NELL1: variants seen among roughly 807,000 people sequenced by gnomAD.
NELL1 encodes protein kinase C-binding protein NELL1.
In NELL1, 76 loss-of-function variants were observed where a neutral mutation model predicts 107.4. The observed-to-expected ratio is 0.71, with a 90% CI of 0.59 to 0.86. NELL1 has a LOEUF of 0.86. Ranked by LOEUF, NELL1 falls within the 40% of genes least tolerant of loss-of-function variation. The probability of loss-of-function intolerance (pLI) is 0.00; values close to 1 mark genes in which losing one functional copy is unlikely to be tolerated. For missense variants in NELL1, 1,024 were observed against 1,005.5 expected (o/e 1.02, Z -0.25); for synonymous variants, 353 against 341.2 (o/e 1.03, Z -0.38).
chr11:21,006,040 G>A lies in NELL1; in HGVS notation c.1300+45480G>A, dbSNP rs191550896. 2.5e-4 allele frequency among the ~76,000 whole-genome samples: 38 copies of A among 151,870 alleles called. 1 individual carries two copies. Among genetic ancestry groups the A allele is most frequent in the Admixed American group, 4.6e-4 (7 of 15,242 alleles). ...ATAATTGATAATTTCATAGATTTGGGGGGGGGAGTGGGAAATTAAATGAGA... is the reference window on the plus strand; with the variant it reads ...ATAATTGATAATTTCATAGATTTGGAGGGGGGAGTGGGAAATTAAATGAGA... On this transcript the variant is annotated intron_variant, in intron 12 of 19. Coordinates refer to ENST00000357134, the MANE Select transcript of NELL1 (RefSeq NM_006157.5).
At chr11:21,323,776 C>G (rs1233845066) in intron 14 of NELL1, among the ~76,000 whole-genome samples, 1 of 152,104 alleles carries the variant, frequency 6.6e-6, no homozygotes, top group East Asian at 1.9e-4. Flanking sequence ...TGTTTGTTAT[C>G]TGATACCTTC....
intron 13 of NELL1, among the ~76,000 whole-genome samples, chr11:21,148,455 G>T (rs1296569542): frequency 6.6e-6 from 1 of 152,186 alleles, no homozygotes; most frequent in East Asian, 1.9e-4. Context: ...TCAGGTGATA[G>T]ATTCATGGAA....
intron 13 of NELL1, among the ~76,000 whole-genome samples, chr11:21,148,438 T>C (rs569640338): frequency 2.6e-5 from 4 of 152,316 alleles, no homozygotes; most frequent in African/African-American, 7.2e-5. Flanking sequence ...GAAAAGCATG[T>C]GTTCCTTCAG....
intron 4 of NELL1, among the ~76,000 whole-genome samples, chr11:20,852,217 T>C (rs186188844): frequency 6.6e-6 from 1 of 152,298 alleles, no homozygotes; most frequent in East Asian, 1.9e-4. Context: ...TGCAGCCCGA[T>C]TGTCACCTTG....
At chr11:20,863,773 C>A (rs1479772568) in intron 4 of NELL1, among the ~76,000 whole-genome samples, 1 of 152,182 alleles carries the variant, frequency 6.6e-6, no homozygotes, top group South Asian at 2.1e-4. Flanking sequence ...GAGGTGGAGG[C>A]CATAGCTAGC....
intron 14 of NELL1, among the ~76,000 whole-genome samples, chr11:21,368,800 G>C (rs764112766): frequency 2.0e-5 from 3 of 151,968 alleles, no homozygotes; most frequent in African/African-American, 7.2e-5. Context: ...GTCCGTGTCC[G>C]TGTTTCACAG....
At chr11:21,015,178 T>C (rs1446748190) in intron 12 of NELL1, among the ~76,000 whole-genome samples, 1 of 152,098 alleles carries the variant, frequency 6.6e-6, no homozygotes, top group African/African-American at 2.4e-5. Flanking sequence ...CTTGCAGCTT[T>C]AACATCAGGA....
intron 12 of NELL1, among the ~76,000 whole-genome samples, chr11:21,072,702 G>A (rs1258356003): frequency 6.6e-6 from 1 of 152,180 alleles, no homozygotes; most frequent in East Asian, 1.9e-4. Context: ...AATCAGTAAA[G>A]AGGAACTGAA....
intron 4 of NELL1, among the ~76,000 whole-genome samples, chr11:20,851,193 A>T (rs948852061): frequency 2.0e-5 from 3 of 152,200 alleles, no homozygotes; most frequent in African/African-American, 7.2e-5. Flanking sequence ...ATGTGGCAGG[A>T]TTTCGCACAT....
chr11:20,703,205 T>C (rs1157544168), intron 2 of NELL1, among the ~76,000 whole-genome samples: 3 of 151,976 alleles, frequency 2.0e-5, no homozygotes, highest in Admixed American at 6.6e-5. Flanking sequence ...TATTCAGGGA[T>C]TGAACTTCCT....
intron 13 of NELL1, among the ~76,000 whole-genome samples, chr11:21,179,398 T>C (rs1307468303): frequency 1.3e-5 from 2 of 151,810 alleles, no homozygotes; most frequent in Admixed American, 1.3e-4. Flanking sequence ...ACTCAATGGC[T>C]TAAAAAAACT....
intron 14 of NELL1, among the ~76,000 whole-genome samples, chr11:21,319,423 C>G (rs1849956818): frequency 6.6e-6 from 1 of 150,394 alleles, no homozygotes; most frequent in African/African-American, 2.4e-5. Flanking sequence ...CTCCTGGCCT[C>G]AAATGATCCA....
chr11:20,765,455 C>T (rs774450557), intron 2 of NELL1, among the ~76,000 whole-genome samples: 7 of 151,976 alleles, frequency 4.6e-5, no homozygotes, highest in African/African-American at 7.3e-5. Context: ...TAGGATAAGC[C>T]CAAAGAAGGA....
At position 21,011,627 on chromosome 11, in the gene NELL1, G is replaced by A. The variant is rs117321774; in HGVS notation, c.1300+51067G>A. On this transcript the variant is annotated intron_variant, in intron 12 of 19. Transcript: ENST00000357134. The stretch of plus-strand genomic sequence containing the variant: ...AAAGAACTGACAGCTGGGGAATGTC[G>A]GCTGATTACACTCTCTGCAGTTGGG... 2.8e-3 allele frequency among the ~76,000 whole-genome samples: 431 copies of A among 152,236 alleles called. 1 individual carries two copies. The highest frequency in any genetic ancestry group is 6.8e-3 in the Middle Eastern group (2 of 294).
intron 12 of NELL1, among the ~76,000 whole-genome samples, chr11:21,017,880 A>T (rs1204024092): frequency 6.6e-6 from 1 of 152,112 alleles, no homozygotes; most frequent in Non-Finnish European, 1.5e-5. Flanking sequence ...GAATGAAAGA[A>T]TGAAGTCTAC....
Position 21,228,519 on chromosome 11 carries a change from T to A in NELL1, c.1427-813T>A, listed in dbSNP as rs559285057. ...TTTTCCTACTCTCAGCACAATCCTG[T>A]GCTCGCCAGCCTTCCCTGTGACCAG... On this transcript the variant is annotated intron_variant, in intron 13 of 19. Transcript: ENST00000357134. 6.6e-5 allele frequency among the ~76,000 whole-genome samples: 10 copies of A among 152,270 alleles called. No homozygotes were observed. The East Asian group carries it at 1.7e-3, about 26-fold the overall frequency.
chr11:21,535,431 GT>G (rs1554930670), intron 16 of NELL1, among the ~76,000 whole-genome samples: 1 of 151,844 alleles, frequency 6.6e-6, no homozygotes, highest in East Asian at 1.9e-4. Flanking sequence ...AGGGTATATT[GT>G]TTTTTTTCTA....
At chr11:21,232,079 A>C (rs891147110) in intron 14 of NELL1, among the ~76,000 whole-genome samples, 1 of 149,950 alleles carries the variant, frequency 6.7e-6, no homozygotes, top group Non-Finnish European at 1.5e-5. Context: ...CGGGTGGATC[A>C]CCTGAGGGTC....
At chr11:21,378,437 A>G (rs975102645) in intron 15 of NELL1, among the ~76,000 whole-genome samples, 1 of 151,856 alleles carries the variant, frequency 6.6e-6, no homozygotes, top group African/African-American at 2.4e-5. Flanking sequence ...CAAGAGCCAG[A>G]GACTGGATGA....
Sources: gnomAD v4.1 joint callset for allele counts (sites outside exome capture counted in the v4.1 genomes callset) on GRCh38, gnomAD v4.1.1 for gene constraint, MANE v1.5 for transcripts, NCBI Gene and HGNC (gene_info 2026-07-23, HGNC 2026-07-21) for gene names.